The following AARS2 variants were observed in gnomAD, a reference collection of about 807,000 sequenced individuals.
AARS2 encodes alanyl-tRNA synthetase 2, mitochondrial.
A neutral mutation model predicts 119.7 loss-of-function variants in AARS2; 78 were observed. The ratio of observed to expected loss-of-function variants is 0.65; its 90% CI spans 0.54 to 0.79. The LOEUF (loss-of-function observed/expected upper bound fraction) is 0.79, where lower values mean the gene tolerates loss of function less well. Ranked by LOEUF, AARS2 falls within the 30% of genes least tolerant of loss-of-function variation. The pLI is 0.00. For synonymous variants in AARS2, 502 were observed against 526.3 expected (o/e 0.95, Z 0.63); for missense variants, 1,157 against 1,291.3 (o/e 0.90, Z 1.59).
chr6:44,305,758 A>T lies in AARS2; in HGVS notation c.1329T>A (p.Cys443Ter), dbSNP rs935008073. 1.1e-5 allele frequency: 18 copies of T among 1,614,004 alleles called. No homozygotes were observed. In the Admixed American group the frequency reaches 2.5e-4, roughly 22 times the overall value. ...TGTCCAAGGGGAGTCCCAGGTCTCC[A>T]CACAGTGACAAGGACCAGGCCACTT... The part of the protein sequence containing the change: ...PAEVAWSLSL[C>*]GDLGLPLDMV... Residue 443 changes from cysteine to a stop codon, truncating the protein, a stop_gained, in exon 10 of 22, where the codon TGT becomes TGA. Coordinates refer to ENST00000244571, the MANE Select transcript of AARS2 (RefSeq NM_020745.4). LOFTEE classifies it high-confidence loss of function. The surrounding 1 kb of genome is among the most constrained non-coding windows in gnomAD (Gnocchi z 4.6).
rs746851769 is a variant in AARS2, at chr6:44,301,332, A to T, written c.2682+49T>A. ...GACCCCTAGCTGTCTCCTGGTCAGGACTTTGCCCTCCCCAGACCCTGGGGC... is the reference window on the plus strand; with the variant it reads ...GACCCCTAGCTGTCTCCTGGTCAGGTCTTTGCCCTCCCCAGACCCTGGGGC... On this transcript the variant is annotated intron_variant, in intron 20 of 21. Transcript: ENST00000244571. The T allele has an allele frequency of 3.7e-6, 6 of 1,613,204 alleles. No individual in the cohort carries two copies. The East Asian group carries it at 1.3e-4, about 36-fold the overall frequency.
Position 44,306,306 on chromosome 6 carries a change from G to A in AARS2, c.1274C>T (p.Thr425Ile), listed in dbSNP as rs2153355090. The change falls in exon 9 of 22, where the codon ACC becomes ATC. Residue 425 changes from threonine (T) to isoleucine (I), a missense_variant. Thr to Ile is a moderately conservative substitution (Grantham distance 89). Transcript: ENST00000244571. ...GRRIIDRTLR[T>I]LGPSDMFPAE... The stretch of plus-strand genomic sequence containing the variant: ...AGGGAACATATCTGAAGGCCCCAGG[G>A]TCCTCAGAGTCCGATCAATGATCCG... The A allele has an allele frequency of 6.2e-7, 1 of 1,614,150 alleles. No individual in the cohort carries two copies. The highest frequency in any genetic ancestry group is 2.2e-5 in the East Asian group (1 of 44,882).
Position 44,303,381 on chromosome 6 carries a change from C to G in AARS2, c.2050G>C (p.Val684Leu), listed in dbSNP as rs979593679. 25 of 1,613,856 alleles carry G rather than the reference C, an allele frequency of 1.5e-5. No homozygotes were observed. Among genetic ancestry groups the G allele is most frequent in the Non-Finnish European group, 1.9e-5 (23 of 1,180,008 alleles). Residue 684 changes from valine (V) to leucine (L), a missense_variant, in exon 15 of 22, where the codon GTG (valine) becomes CTG (leucine). Coordinates refer to ENST00000244571, the MANE Select transcript of AARS2 (RefSeq NM_020745.4). ...TCATCCTGCCCCACGGCCTCCTGCA[C>G]AGTGTTCTCCACTGCCCGGAGCTGC... The part of the protein sequence containing the change: ...PEQLRAVENT[V>L]QEAVGQDEAV...
In AARS2 at chr6:44,305,284, G is replaced by A. The variant is rs1446680345; in HGVS notation, c.1435-86C>T. The A allele has an allele frequency of 7.0e-6, 11 of 1,572,920 alleles. No individual in the cohort carries two copies. In the Admixed American group the frequency reaches 1.3e-4, roughly 19 times the overall value. On this transcript the variant is annotated intron_variant, in intron 10 of 21. Coordinates refer to ENST00000244571, the MANE Select transcript of AARS2 (RefSeq NM_020745.4). The surrounding 1 kb of genome is among the most constrained non-coding windows in gnomAD (Gnocchi z 4.6). ...TTCAGCCTCGCAGGGCCCTGTCCCT[G>A]CCACACAGCTGTGGACTCTGCAGCC...
chr6:44,302,803 T>G lies in AARS2; in HGVS notation c.2363A>C (p.Gln788Pro), dbSNP rs767017507. The change falls in exon 17 of 22, where the codon CAG (glutamine) becomes CCG (proline). Residue 788 changes from glutamine (Q) to proline (P), a missense_variant and splice_region_variant. Coordinates refer to ENST00000244571, the MANE Select transcript of AARS2 (RefSeq NM_020745.4). ...LLAVTGEQAQQARELGQSLAQ... is the reference protein window; with the variant it reads ...LLAVTGEQAQPARELGQSLAQ... ...TCCCAGGCCTACTGGCATGCTGACC[T>G]GCTGGGCCTGCTCCCCAGTGACGGC... is the stretch of plus-strand genomic sequence containing the variant. 1 of 1,612,908 alleles carries G rather than the reference T, an allele frequency of 6.2e-7. No individual in the cohort carries two copies. The highest frequency in any genetic ancestry group is 1.3e-5 in the African/African-American group (1 of 74,916).
At chr6:44,311,572 C>G in intron 2 of AARS2, 37 bp from the exon 3 acceptor site, 2 of 1,610,976 alleles carry the variant, frequency 1.2e-6, no homozygotes, top group African/African-American at 2.7e-5. Flanking sequence ...GGGGGGAAGA[C>G]GGGTGAGAGG....
rs893530175 is a variant in AARS2 at position 44,305,507 on chromosome 6, G to A, written c.1434+146C>T. On this transcript the variant is annotated intron_variant, in intron 10 of 21. Coordinates refer to ENST00000244571, the MANE Select transcript of AARS2 (RefSeq NM_020745.4). This position sits in a 1 kb window ranked among gnomAD's most constrained non-coding sequence, Gnocchi z 4.6. Reference sequence around the variant, plus strand: ...TTTTGCTTTCTACTGGTTGTGGCCTGAGGTTTTAGAAACCTCCCAGGTGAG... The same window carrying A: ...TTTTGCTTTCTACTGGTTGTGGCCTAAGGTTTTAGAAACCTCCCAGGTGAG... 6.9e-6 allele frequency: 9 copies of A among 1,309,672 alleles called. No homozygotes were observed. The highest frequency in any genetic ancestry group is 9.6e-6 in the Non-Finnish European group (9 of 935,840). 81.1% of individuals were successfully genotyped at this position (1,309,672 alleles called of 1,614,324 possible).
At chr6:44,309,135 G>A (rs567295235) in intron 5 of AARS2, among the ~76,000 whole-genome samples, 1 of 152,192 alleles carries the variant, frequency 6.6e-6, no homozygotes, top group African/African-American at 2.4e-5. Context: ...ATAGAATACA[G>A]TGGAAACAAC....
intron 1 of AARS2, 114 bp from the exon 2 acceptor site, chr6:44,312,377 T>C (rs773583473): frequency 1.4e-5 from 15 of 1,075,586 alleles, no homozygotes; most frequent in Non-Finnish European, 2.0e-5. Context: ...ACTGTGCCCC[T>C]GAGAGTGCAG....
At position 44,299,544 on chromosome 6, in the gene AARS2, C is replaced by T. The variant is rs1398705409; in HGVS notation, c.*1003G>A. On this transcript the variant is annotated 3_prime_UTR_variant, in exon 22 of 22. Transcript: ENST00000244571. Reference sequence around the variant, plus strand: ...CCTCCTAAAATGCCAGGATTATAGGCATGAGCCACCAAGCCTGACCCTCTT... The same window carrying T: ...CCTCCTAAAATGCCAGGATTATAGGTATGAGCCACCAAGCCTGACCCTCTT... 6.6e-6 allele frequency: 1 copy of T among 151,904 alleles called. No homozygotes were observed. Among genetic ancestry groups the T allele is most frequent in the African/African-American group, 2.4e-5 (1 of 41,352 alleles). The allele number at this position is 151,904 out of a possible 1,614,324, so 9.4% of individuals were successfully genotyped here.
chr6:44,300,118 T>C lies in AARS2; in HGVS notation c.*429A>G, dbSNP rs1239223351. 7.9e-6 allele frequency: 2 copies of C among 252,770 alleles called. No individual in the cohort carries two copies. Among genetic ancestry groups the C allele is most frequent in the Admixed American group, 1.0e-4 (2 of 19,934 alleles). 15.7% of individuals were successfully genotyped at this position (252,770 alleles called of 1,614,324 possible). A position where few individuals can be genotyped will look rare whatever the true frequency, so the allele number is the denominator to read the frequency against. On this transcript the variant is annotated 3_prime_UTR_variant, in exon 22 of 22. Transcript: ENST00000244571. ...CCTCAGCCTCCCGAGTAGCTGGGAC[T>C]ACAGGCGTGTGCCACCACACCCGGC...
In AARS2 at chr6:44,300,099, C is replaced by A. The variant is rs565803591; in HGVS notation, c.*448G>T. On this transcript the variant is annotated 3_prime_UTR_variant, in exon 22 of 22. Transcript: ENST00000244571. ...GGTTCAAGCGATTCTTCTGCCTCAG[C>A]CTCCCGAGTAGCTGGGACTACAGGC... 1.5e-3 allele frequency: 320 copies of A among 216,688 alleles called. No homozygotes were observed. The highest frequency in any genetic ancestry group is 2.6e-3 in the Non-Finnish European group (281 of 106,582). The allele number at this position is 216,688 out of a possible 1,614,324, so 13.4% of individuals were successfully genotyped here. A position where few individuals can be genotyped will look rare whatever the true frequency, so the allele number is the denominator to read the frequency against.
rs324136 is a variant in AARS2, at chr6:44,307,274, T to C, written c.1015A>G (p.Ile339Val). Residue 339 changes from isoleucine (I) to valine (V), a missense_variant, in exon 6 of 22, where the codon ATC (isoleucine) becomes GTC (valine). Physicochemically the swap from Ile to Val is conservative, Grantham distance 29. Transcript: ENST00000244571. The surrounding 1 kb of genome is among the most constrained non-coding windows in gnomAD (Gnocchi z 4.4). ...GGGGGACCTGACATCCCAGGGAAGA[T>C]GCCATCAGAGATGCAGACACTGAGT... Reference protein sequence around the residue: ...RTLSVCISDGIFPGMSGPPLV... With the variant: ...RTLSVCISDGVFPGMSGPPLV... 0.96 allele frequency: 1,545,641 copies of C among 1,613,778 alleles called. 742,531 individuals carry two copies. Among genetic ancestry groups the C allele is most frequent in the East Asian group, 1 (44,803 of 44,856 alleles).
chr6:44,300,143 C>T lies in AARS2; in HGVS notation c.*404G>A. The T allele has an allele frequency of 4.0e-6, 1 of 251,574 alleles. No homozygotes were observed. Among genetic ancestry groups the T allele is most frequent in the Non-Finnish European group, 7.9e-6 (1 of 126,412 alleles). 15.6% of individuals were successfully genotyped at this position (251,574 alleles called of 1,614,324 possible). A position where few individuals can be genotyped will look rare whatever the true frequency, so the allele number is the denominator to read the frequency against. On this transcript the variant is annotated 3_prime_UTR_variant, in exon 22 of 22. Coordinates refer to ENST00000244571, the MANE Select transcript of AARS2 (RefSeq NM_020745.4). ...TACAGGCGTGTGCCACCACACCCGG[C>T]TAATTTTTTGTATTTTTAGTAGAGA...
chr6:44,312,456 G>A (rs1322038567), intron 1 of AARS2, among the ~76,000 whole-genome samples, 193 bp from the exon 2 acceptor site: 3 of 152,206 alleles, frequency 2.0e-5, no homozygotes, highest in African/African-American at 4.8e-5. Flanking sequence ...GGGGAGCAGA[G>A]AAGAGGTAAA....
chr6:44,311,647 G>T, intron 2 of AARS2, 112 bp from the exon 3 acceptor site: 1 of 1,298,564 alleles, frequency 7.7e-7, no homozygotes, highest in Non-Finnish European at 1.1e-6. Flanking sequence ...AAGCATTTCT[G>T]CTGCCATCTT....
At position 44,305,581 on chromosome 6, in the gene AARS2, C is replaced by T; in HGVS notation, c.1434+72G>A. ...TTGATTCCTCTCAATATTCACAGCTCCTCCCCCAGGAGCTCAGGGCTGGGG... is the reference window on the plus strand; with the variant it reads ...TTGATTCCTCTCAATATTCACAGCTTCTCCCCCAGGAGCTCAGGGCTGGGG... On this transcript the variant is annotated intron_variant, in intron 10 of 21. Transcript: ENST00000244571. This position sits in a 1 kb window ranked among gnomAD's most constrained non-coding sequence, Gnocchi z 4.6. 6.3e-7 allele frequency: 1 copy of T among 1,599,970 alleles called. No homozygotes were observed.
Position 44,302,512 on chromosome 6 carries a change from G to A in AARS2, c.2366C>T (p.Ala789Val), listed in dbSNP as rs779242240. 5 of 1,613,918 alleles carry A rather than the reference G, an allele frequency of 3.1e-6. No homozygotes were observed. In the African/African-American group the frequency reaches 6.7e-5, roughly 22 times the overall value. ...LAVTGEQAQQ[A>V]RELGQSLAQE... ...GGCCAGGCTCTGGCCTAGCTCTCGG[G>A]CCTGCAGGGAGGGGACAGGAGGGTC... Residue 789 changes from alanine to valine, a missense_variant and splice_region_variant, in exon 18 of 22, where the codon GCC (alanine) becomes GTC (valine). Ala to Val is a moderately conservative substitution (Grantham distance 64). Coordinates refer to ENST00000244571, the MANE Select transcript of AARS2 (RefSeq NM_020745.4).
intron 21 of AARS2, 64 bp downstream of exon 21, chr6:44,301,092 A>G (rs1345114819): frequency 1.4e-6 from 2 of 1,459,558 alleles, no homozygotes; most frequent in Non-Finnish European, 9.5e-7. Flanking sequence ...AAGGTGTAAA[A>G]TCAGAGAGCT....
Sources: allele counts gnomAD v4.1 joint callset (sites outside exome capture counted in the v4.1 genomes callset), GRCh38; gene constraint gnomAD v4.1.1; non-coding constraint Gnocchi (gnomAD v3.1); transcripts MANE v1.5; gene names NCBI Gene and HGNC (gene_info 2026-07-23, HGNC 2026-07-21).